The following SMAD3 variants were observed in gnomAD, a reference collection of about 807,000 sequenced individuals.
SMAD3 encodes the protein MAD homolog 3.
SMAD3 carries 12 observed loss-of-function variants against 51.8 expected under a neutral mutation model. That is an observed-to-expected ratio of 0.23 (90% CI 0.15 to 0.38). The LOEUF (loss-of-function observed/expected upper bound fraction) is 0.38. Among genes scored for constraint, SMAD3 ranks in the 10% least tolerant of loss-of-function variants. SMAD3 has a pLI of 1.00. For synonymous variants in SMAD3, 238 were observed against 227.7 expected (o/e 1.05, Z -0.41); for missense variants, 294 against 565.6 (o/e 0.52, Z 4.87).
chr15:67,170,653 C>T lies in SMAD3; in HGVS notation c.658+49C>T, dbSNP rs767271203. 7.7e-6 allele frequency: 12 copies of T among 1,561,826 alleles called. No homozygotes were observed. The South Asian group carries it at 1.3e-4, about 17-fold the overall frequency. ...ACTGGAACCCCCTCTAGCTGCAGCC[C>T]TGGCGAGTCGCCAGTGTGGGGAGGG... On this transcript the variant is annotated intron_variant, in intron 5 of 8. Transcript: ENST00000327367.
At chr15:67,112,383 A>T (rs57271977) in intron 1 of SMAD3, among the ~76,000 whole-genome samples, 996 of 95,584 alleles carry the variant, frequency 0.01, 16 homozygotes, top group East Asian at 0.023. Flanking sequence ...CTGGTCTTGA[A>T]CTCCTGACCT....
At chr15:67,076,321 C>T (rs28613758) in intron 1 of SMAD3, among the ~76,000 whole-genome samples, 69,987 of 152,008 alleles carry the variant, frequency 0.46, 16,438 homozygotes, top group South Asian at 0.66. Flanking sequence ...AAACAAACTT[C>T]GATGAATCAG....
intron 1 of SMAD3, among the ~76,000 whole-genome samples, chr15:67,119,828 G>A (rs1487558270): frequency 6.6e-6 from 1 of 151,958 alleles, no homozygotes; most frequent in East Asian, 1.9e-4. Context: ...ACAGAGTCTC[G>A]CTTTGTCACC....
chr15:67,097,209 G>T lies in SMAD3; in HGVS notation c.206+30849G>T, dbSNP rs180933525. On this transcript the variant is annotated intron_variant, in intron 1 of 8. Transcript: ENST00000327367. ...CTGTCCTTTTTTTGTGGTTTTTTTTGTTTGTTTGTTTTTTGTTTTTGTAGG... is the reference window on the plus strand; with the variant it reads ...CTGTCCTTTTTTTGTGGTTTTTTTTTTTTGTTTGTTTTTTGTTTTTGTAGG... Among the ~76,000 whole-genome samples the T allele has an allele frequency of 3.9e-3, 594 of 151,872 alleles. 7 individuals carry two copies. The highest frequency in any genetic ancestry group is 0.013 in the African/African-American group (555 of 41,422).
intron 1 of SMAD3, among the ~76,000 whole-genome samples, chr15:67,072,917 C>T (rs752088386): frequency 1.2e-4 from 19 of 152,160 alleles, no homozygotes; most frequent in Non-Finnish European, 2.4e-4. Flanking sequence ...GAGAACTTGT[C>T]CAGTTCATTT....
At chr15:67,069,024 G>T (rs1189020845) in intron 1 of SMAD3, among the ~76,000 whole-genome samples, 1 of 152,158 alleles carries the variant, frequency 6.6e-6, no homozygotes, top group South Asian at 2.1e-4. Context: ...GGACTCCGGG[G>T]TTTAAGGAGC....
intron 1 of SMAD3, among the ~76,000 whole-genome samples, chr15:67,082,342 C>T (rs1030047531): frequency 3.3e-5 from 5 of 152,100 alleles, no homozygotes; most frequent in Non-Finnish European, 7.4e-5. Flanking sequence ...CAAGCAGTTG[C>T]GATTTCTGTC....
intron 1 of SMAD3, among the ~76,000 whole-genome samples, chr15:67,124,044 G>A (rs779328178): frequency 4.6e-5 from 7 of 152,138 alleles, no homozygotes; most frequent in African/African-American, 9.7e-5. Context: ...CTGGAGTGCC[G>A]TGGTGCAATG....
chr15:67,149,311 TG>T (rs1404310440), intron 1 of SMAD3, among the ~76,000 whole-genome samples: 2 of 151,960 alleles, frequency 1.3e-5, no homozygotes, highest in African/African-American at 2.4e-5. Context: ...GTCTAGGAAG[TG>T]GGGGTGAGGT....
intron 1 of SMAD3, among the ~76,000 whole-genome samples, chr15:67,091,579 G>A (rs561780016): frequency 5.3e-5 from 8 of 152,264 alleles, no homozygotes; most frequent in Non-Finnish European, 1.2e-4. Context: ...CATTGTCATG[G>A]ATTCATAGTT....
At chr15:67,143,243 C>T (rs1961881325) in intron 1 of SMAD3, among the ~76,000 whole-genome samples, 2 of 152,186 alleles carry the variant, frequency 1.3e-5, no homozygotes, top group African/African-American at 2.4e-5. Context: ...AGTACCTTTT[C>T]AGTGAAATCT....
At chr15:67,158,816 A>G (rs974807258) in intron 1 of SMAD3, among the ~76,000 whole-genome samples, 1 of 152,192 alleles carries the variant, frequency 6.6e-6, no homozygotes, top group Admixed American at 6.5e-5. Context: ...GTGCACCCAG[A>G]TGGCCAAGGC....
intron 1 of SMAD3, among the ~76,000 whole-genome samples, chr15:67,088,586 C>T (rs1960443707): frequency 6.6e-6 from 1 of 152,108 alleles, no homozygotes; most frequent in South Asian, 2.1e-4. Flanking sequence ...GCTAGGAAGG[C>T]TATTTCAGAA....
intron 1 of SMAD3, among the ~76,000 whole-genome samples, chr15:67,152,790 A>T (rs886175274): frequency 6.6e-6 from 1 of 152,166 alleles, no homozygotes; most frequent in Non-Finnish European, 1.5e-5. Context: ...TCCTGCTGAC[A>T]CTCAAGAAAA....
chr15:67,129,334 C>T (rs1331962925), intron 1 of SMAD3, among the ~76,000 whole-genome samples: 1 of 152,138 alleles, frequency 6.6e-6, no homozygotes, highest in Non-Finnish European at 1.5e-5. Context: ...TGTATGGTAG[C>T]CCCCACTTGT....
rs1428830588 is a variant in SMAD3, at chr15:67,066,131, G to A, written c.-24G>A. On this transcript the variant is annotated 5_prime_UTR_variant, in exon 1 of 9. Transcript: ENST00000327367. ...CCCAGCCCCGCCGGGGGCGCTCCTC[G>A]CCGCCCGCGCGCCCTCCCCAGCCAT... 6.4e-7 allele frequency: 1 copy of A among 1,555,508 alleles called. No homozygotes were observed. The highest frequency in any genetic ancestry group is 1.2e-5 in the South Asian group (1 of 85,062).
At position 67,113,076 on chromosome 15, in the gene SMAD3, GTA is replaced by G. The variant is rs1555408269; in HGVS notation, c.206+46734_206+46735del. Among the ~76,000 whole-genome samples, 14 of 34,972 alleles carry G rather than the reference GTA, an allele frequency of 4.0e-4. 2 individuals are homozygous for G. Among genetic ancestry groups the G allele is most frequent in the African/African-American group, 1.4e-3 (14 of 9,830 alleles). The allele number at this position is 34,972 out of a possible 152,430, so 22.9% of individuals were successfully genotyped here. A position where few individuals can be genotyped will look rare whatever the true frequency, so the allele number is the denominator to read the frequency against. ...CAACTTTTAAAATATATATATATGT[GTA>G]TATATATATATATATATTTTTTTGA... On this transcript the variant is annotated intron_variant, in intron 1 of 8. Transcript: ENST00000327367.
At chr15:67,158,026 G>A (rs574504646) in intron 1 of SMAD3, among the ~76,000 whole-genome samples, 2 of 152,314 alleles carry the variant, frequency 1.3e-5, no homozygotes, top group Non-Finnish European at 2.9e-5. Flanking sequence ...AGGCCCAACG[G>A]CAGGTTCCTG....
At chr15:67,103,700 G>A (rs751021904) in intron 1 of SMAD3, among the ~76,000 whole-genome samples, 1 of 152,122 alleles carries the variant, frequency 6.6e-6, no homozygotes, top group Non-Finnish European at 1.5e-5. Flanking sequence ...ACCCCTGTGC[G>A]GTTTTCCTAA....
Sources: allele counts gnomAD v4.1 joint callset (sites outside exome capture counted in the v4.1 genomes callset), GRCh38; gene constraint gnomAD v4.1.1; transcripts MANE v1.5; gene names NCBI Gene and HGNC (gene_info 2026-07-23, HGNC 2026-07-21).